Variants in UBR4 observed in about 807,000 individuals in gnomAD.
UBR4 encodes the protein ubiquitin protein ligase E3 component n-recognin 4.
In UBR4, 124 loss-of-function variants were observed where a neutral mutation model predicts 575.6. The observed-to-expected ratio is 0.22, with a 90% CI of 0.19 to 0.25. The LOEUF is 0.25. Ranked by LOEUF, UBR4 falls within the 10% of genes least tolerant of loss-of-function variation. UBR4 has a pLI of 1.00. For synonymous variants in UBR4, 2,455 were observed against 2,473.7 expected, an observed-to-expected ratio of 0.99 and a Z score of 0.22; for missense variants, 4,818 against 6,478.8, an observed-to-expected ratio of 0.74 and a Z score of 8.80.
At chr1:19,202,943 G>A (rs559069362) in intron 1 of UBR4, among the ~76,000 whole-genome samples, 24 of 151,844 alleles carry the variant, frequency 1.6e-4, no homozygotes, top group African/African-American at 5.3e-4. Context: ...AAATTAGCAG[G>A]TGGTGGCACG....
Position 19,141,752 on chromosome 1 carries a change from A to C in UBR4, c.8205T>G (p.Asp2735Glu), listed in dbSNP as rs777566723. The part of the protein sequence containing the change: ...PMGDKDDDDD[D>E]DADEKMQSSG... ...ATGACTGCATTTTCTCATCTGCATC[A>C]TCATCGTCATCATCATCCTTGTCTC... Residue 2735 changes from aspartate to glutamate, a missense_variant, in exon 56 of 106, where the codon GAT becomes GAG. By Grantham distance (45) the Asp-to-Glu change is conservative. Around this residue, in one of 29 missense-constraint regions of UBR4, gnomAD observed 129 missense variants for 198.4 expected, o/e 0.65. Transcript: ENST00000375254. The C allele has an allele frequency of 5.6e-5, 91 of 1,614,058 alleles. No individual in the cohort carries two copies. Among genetic ancestry groups the C allele is most frequent in the Admixed American group, 2.3e-4 (14 of 60,004 alleles).
At position 19,117,631 on chromosome 1, in the gene UBR4, G is replaced by A. The variant is rs2080696499; in HGVS notation, c.10629+192C>T. On this transcript the variant is annotated intron_variant, in intron 72 of 105. Transcript: ENST00000375254. The surrounding 1 kb of genome is among the most constrained non-coding windows in gnomAD (Gnocchi z 4.0). ...CCCATCTTAGCCTCCCAAAGTACTG[G>A]GATTATAGGCTTGAGCCACTGCACC... Among the ~76,000 whole-genome samples, 1 of 152,090 alleles carries A rather than the reference G, an allele frequency of 6.6e-6. No homozygotes were observed. Among genetic ancestry groups the A allele is most frequent in the Non-Finnish European group, 1.5e-5 (1 of 68,012 alleles).
In UBR4 at chr1:19,150,596, T is replaced by G. The variant is rs1303887666; in HGVS notation, c.7411A>C (p.Ser2471Arg). ...TGGTACCTCTCCAGGACAGTTCCAC[T>G]GGTCGTAGTGGGGGCAGCTGAGTCG... Reference protein sequence around the residue: ...DSDSAAPTTTSGTVLERLVVS... With the variant: ...DSDSAAPTTTRGTVLERLVVS... The change falls in exon 49 of 106, where the codon AGT (serine) becomes CGT (arginine). Residue 2471 changes from serine (S) to arginine (R), a missense_variant. By Grantham distance (110) the Ser-to-Arg change is moderately radical. Coordinates refer to ENST00000375254, the MANE Select transcript of UBR4 (RefSeq NM_020765.3). 1.2e-6 allele frequency: 2 copies of G among 1,613,298 alleles called. No homozygotes were observed. Among genetic ancestry groups the G allele is most frequent in the African/African-American group, 2.7e-5 (2 of 74,906 alleles).
At chr1:19,146,729 T>C in intron 52 of UBR4, 97 bp downstream of exon 52, 3 of 1,461,254 alleles carry the variant, frequency 2.1e-6, no homozygotes, top group Middle Eastern at 2.5e-4. Flanking sequence ...TCTCTGAGCA[T>C]GCAGTCAGTC....
At chr1:19,165,092 T>G in intron 31 of UBR4, 95 bp from the exon 32 acceptor site, 1 of 1,543,902 alleles carries the variant, frequency 6.5e-7, no homozygotes, top group Non-Finnish European at 8.9e-7. Context: ...GGAAATGGCT[T>G]CAAAGCAAGT....
intron 25 of UBR4, among the ~76,000 whole-genome samples, chr1:19,171,437 CA>C (rs902628413): frequency 7.4e-5 from 11 of 148,058 alleles, no homozygotes; most frequent in South Asian, 2.1e-4. Flanking sequence ...AAATTTGAGC[CA>C]AAAAAAAAAT....
At chr1:19,168,852 C>T (rs981429520) in intron 27 of UBR4, among the ~76,000 whole-genome samples, 3 of 152,022 alleles carry the variant, frequency 2.0e-5, no homozygotes, top group Non-Finnish European at 4.4e-5. Flanking sequence ...GTGGTGGGCG[C>T]CTGTAGTCCC....
At chr1:19,209,072 C>T (rs909211489) in intron 1 of UBR4, among the ~76,000 whole-genome samples, 9 of 152,132 alleles carry the variant, frequency 5.9e-5, no homozygotes, top group African/African-American at 2.2e-4. Flanking sequence ...AAGTCTACAA[C>T]AAGAAAAAGC....
At chr1:19,076,221 G>A (rs1027506945) in intron 105 of UBR4, among the ~76,000 whole-genome samples, 22 of 152,300 alleles carry the variant, frequency 1.4e-4, no homozygotes, top group African/African-American at 1.7e-4. Context: ...GTCTGACCAC[G>A]TCTCCCACAC....
At position 19,153,765 on chromosome 1, in the gene UBR4, G is replaced by T; in HGVS notation, c.6630+3C>A. ...GTAATGAATGGGAAAATCTGGCACTGACCTTCGCTTTAGCAGGAAGAGTCT... is the reference window on the plus strand; with the variant it reads ...GTAATGAATGGGAAAATCTGGCACTTACCTTCGCTTTAGCAGGAAGAGTCT... On this transcript the variant is annotated splice_donor_region_variant and intron_variant, in intron 45 of 105. Transcript: ENST00000375254. The surrounding 1 kb of genome is among the most constrained non-coding windows in gnomAD (Gnocchi z 4.1). 1.2e-6 allele frequency: 2 copies of T among 1,613,130 alleles called. No individual in the cohort carries two copies. Among genetic ancestry groups the T allele is most frequent in the Non-Finnish European group, 1.7e-6 (2 of 1,179,538 alleles).
In UBR4 at chr1:19,177,731, T is replaced by C; in HGVS notation, c.2367A>G (p.Thr789=). The C allele has an allele frequency of 6.2e-7, 1 of 1,612,836 alleles. No homozygotes were observed. The highest frequency in any genetic ancestry group is 8.5e-7 in the Non-Finnish European group (1 of 1,179,550). Residue 789 remains threonine, a synonymous_variant, in exon 19 of 106, where the codon ACA becomes ACG. Transcript: ENST00000375254. ...CLKVWDRFLS[T]MKQNALQGVV... ...CACCTTGCAGGGCATTCTGCTTCAT[T>C]GTAGACAAAAACCTACCAGAGAGAA... is the stretch of plus-strand genomic sequence containing the variant.
At chr1:19,195,326 AT>A (rs1473379408) in intron 8 of UBR4, among the ~76,000 whole-genome samples, 1 of 150,706 alleles carries the variant, frequency 6.6e-6, no homozygotes. Context: ...TTAAAAATAA[AT>A]TTTAAGATTA....
At position 19,076,465 on chromosome 1, in the gene UBR4, C is replaced by T. The variant is rs562615560; in HGVS notation, c.15487+275G>A. The stretch of plus-strand genomic sequence containing the variant: ...TATAAAATGGGGATAACCAAAGCTC[C>T]TGCCTCATATAGGGCTGCCTCGAGG... On this transcript the variant is annotated intron_variant, in intron 105 of 105. Transcript: ENST00000375254. 7.9e-5 allele frequency among the ~76,000 whole-genome samples: 12 copies of T among 152,376 alleles called. 1 individual carries two copies. The South Asian group carries it at 2.5e-3, about 32-fold the overall frequency.
Position 19,201,830 on chromosome 1 carries a change from A to G in UBR4, c.177-15T>C. The G allele has an allele frequency of 6.2e-7, 1 of 1,611,582 alleles. No homozygotes were observed. The highest frequency in any genetic ancestry group is 8.5e-7 in the Non-Finnish European group (1 of 1,177,942). ...TTTCTGATTCACTGTAAAAATAATA[A>G]TAATTCAGCCAGCATCTGCTTAGCG... On this transcript the variant is annotated splice_polypyrimidine_tract_variant and intron_variant, in intron 1 of 105. Coordinates refer to ENST00000375254, the MANE Select transcript of UBR4 (RefSeq NM_020765.3).
intron 17 of UBR4, among the ~76,000 whole-genome samples, chr1:19,180,280 C>A (rs2090772256): frequency 6.6e-6 from 1 of 152,114 alleles, no homozygotes; most frequent in Non-Finnish European, 1.5e-5. Flanking sequence ...CCTCCACCTC[C>A]CGGATTCAAG....
intron 105 of UBR4, among the ~76,000 whole-genome samples, chr1:19,075,680 C>A (rs544723479): frequency 6.6e-6 from 1 of 152,216 alleles, no homozygotes; most frequent in Non-Finnish European, 1.5e-5. Context: ...GCAGCCAATG[C>A]GGAGGCACAG....
chr1:19,150,959 G>A (rs896797961), intron 48 of UBR4, 166 bp from the exon 49 acceptor site: 1 of 705,516 alleles, frequency 1.4e-6, no homozygotes, highest in Non-Finnish European at 2.3e-6. Context: ...GTGTATATAT[G>A]CTGAATACAT....
chr1:19,097,785 G>A (rs980057249), intron 90 of UBR4, among the ~76,000 whole-genome samples: 5 of 152,068 alleles, frequency 3.3e-5, no homozygotes, highest in Non-Finnish European at 5.9e-5. Flanking sequence ...CTCAAGCCTC[G>A]GGAATCAAAA....
chr1:19,079,660 G>C (rs191234260), intron 103 of UBR4: 16 of 152,454 alleles, frequency 1.0e-4, no homozygotes, highest in Middle Eastern at 3.4e-3. Context: ...GGCTGCCCCA[G>C]CATCAGGATG....
Sources: allele counts gnomAD v4.1 joint callset (sites outside exome capture counted in the v4.1 genomes callset), GRCh38; gene constraint gnomAD v4.1.1; regional missense constraint gnomAD v4.1.1; non-coding constraint Gnocchi (gnomAD v3.1); transcripts MANE v1.5; gene names NCBI Gene and HGNC (gene_info 2026-07-23, HGNC 2026-07-21).